Variants in SLC23A2 observed in about 807,000 individuals in gnomAD.
The protein encoded by SLC23A2 is Na(+)/L-ascorbic acid transporter 2.
In SLC23A2, 36 loss-of-function variants were observed where a neutral mutation model predicts 73.3. That is an observed-to-expected ratio of 0.49 (90% CI 0.38 to 0.65). SLC23A2 has a LOEUF of 0.65. Among genes scored for constraint, SLC23A2 ranks in the 30% least tolerant of loss-of-function variants. The pLI, the probability that SLC23A2 is intolerant of heterozygous loss-of-function variation, is 0.00. For synonymous variants in SLC23A2, 343 were observed against 327.3 expected, an observed-to-expected ratio of 1.05 and a Z score of -0.52; for missense variants, 507 against 841.6, an observed-to-expected ratio of 0.60 and a Z score of 4.92.
intron 2 of SLC23A2, among the ~76,000 whole-genome samples, chr20:4,952,523 AG>A (rs1568639412): frequency 6.6e-6 from 1 of 152,170 alleles, no homozygotes; most frequent in Non-Finnish European, 1.5e-5. Context: ...TCAAAAGAAA[AG>A]GAGGGAAAGA....
chr20:5,006,269 T>C (rs1045256527), upstream of SLC23A2, among the ~76,000 whole-genome samples: 1 of 151,614 alleles, frequency 6.6e-6, no homozygotes, highest in Non-Finnish European at 1.5e-5. Context: ...AGCTAATTTT[T>C]TGTATTTTTA....
Position 4,947,773 on chromosome 20 carries a change from G to A in SLC23A2, c.-154-15057C>T, listed in dbSNP as rs2058758068. ...CAAGCTAAGAGAACGAGACTCTGAAGAAAAGGCCAAAAGACCAGAATAGGC... is the reference window on the plus strand; with the variant it reads ...CAAGCTAAGAGAACGAGACTCTGAAAAAAAGGCCAAAAGACCAGAATAGGC... On this transcript the variant is annotated intron_variant, in intron 2 of 16. Coordinates refer to ENST00000338244, the MANE Select transcript of SLC23A2 (RefSeq NM_005116.6). This position sits in a 1 kb window ranked among gnomAD's most constrained non-coding sequence, Gnocchi z 4.4. Among the ~76,000 whole-genome samples, 1 of 152,200 alleles carries A rather than the reference G, an allele frequency of 6.6e-6. No individual in the cohort carries two copies. Among genetic ancestry groups the A allele is most frequent in the South Asian group, 2.1e-4 (1 of 4,830 alleles).
At chr20:4,995,370 C>T (rs1286597522) in intron 1 of SLC23A2, among the ~76,000 whole-genome samples, 1 of 152,086 alleles carries the variant, frequency 6.6e-6, no homozygotes, top group Non-Finnish European at 1.5e-5. Context: ...TACTCCACCC[C>T]AAAATTTTCT....
At chr20:4,967,493 T>C (rs1467845094) in intron 2 of SLC23A2, among the ~76,000 whole-genome samples, 1 of 152,262 alleles carries the variant, frequency 6.6e-6, no homozygotes, top group East Asian at 1.9e-4. Context: ...GTAAGCTCTG[T>C]AATCACCATC....
At chr20:4,955,899 T>C (rs539354439) in intron 2 of SLC23A2, among the ~76,000 whole-genome samples, 2 of 152,112 alleles carry the variant, frequency 1.3e-5, no homozygotes, top group African/African-American at 2.4e-5. Context: ...CTCTATAATA[T>C]AGGGGTTACG....
chr20:4,977,727 C>T (rs1009767608), intron 1 of SLC23A2, among the ~76,000 whole-genome samples: 3 of 151,360 alleles, frequency 2.0e-5, no homozygotes, highest in East Asian at 1.9e-4. Flanking sequence ...AGAAAAGAGA[C>T]GAGATCTCAT....
At chr20:4,933,211 G>A (rs1179286366) in intron 2 of SLC23A2, among the ~76,000 whole-genome samples, 1 of 150,506 alleles carries the variant, frequency 6.6e-6, no homozygotes, top group Non-Finnish European at 1.5e-5. Flanking sequence ...TGGGCAATGC[G>A]GATACAGCCA....
At chr20:4,943,856 C>G (rs1370995663) in intron 2 of SLC23A2, among the ~76,000 whole-genome samples, 2 of 152,130 alleles carry the variant, frequency 1.3e-5, no homozygotes. Context: ...AACCAGAGAG[C>G]GTCTGCTGAC....
intron 3 of SLC23A2, among the ~76,000 whole-genome samples, chr20:4,921,211 C>A (rs1367120832): frequency 1.3e-5 from 2 of 152,154 alleles, no homozygotes; most frequent in Non-Finnish European, 2.9e-5. Context: ...CGATATGATA[C>A]AAAGTTAAAG....
At chr20:5,007,305 T>C (rs2122405826) in intron 1 of SLC23A2, among the ~76,000 whole-genome samples, 1 of 152,252 alleles carries the variant, frequency 6.6e-6, no homozygotes, top group East Asian at 1.9e-4. Flanking sequence ...CCGACACAGG[T>C]GGACCACTTG....
chr20:4,983,646 TAAAA>T (rs35983102), intron 1 of SLC23A2, among the ~76,000 whole-genome samples: 3 of 86,188 alleles, frequency 3.5e-5, no homozygotes, highest in Non-Finnish European at 7.0e-5. Context: ...ACTCCGTCTT[TAAAA>T]AAAAAAAAAA....
At chr20:4,982,766 G>A (rs72550899) in intron 1 of SLC23A2, among the ~76,000 whole-genome samples, 2 of 152,150 alleles carry the variant, frequency 1.3e-5, no homozygotes, top group Non-Finnish European at 2.9e-5. Context: ...CAACGTAATG[G>A]GGGGTAGAGT....
intron 2 of SLC23A2, among the ~76,000 whole-genome samples, chr20:4,941,450 C>T (rs1488250131): frequency 6.6e-6 from 1 of 152,086 alleles, no homozygotes; most frequent in Admixed American, 6.5e-5. Flanking sequence ...GGCCTGTAAT[C>T]CTAGCACTTT....
At chr20:4,946,599 C>A (rs2087122433) in intron 2 of SLC23A2, among the ~76,000 whole-genome samples, 2 of 152,150 alleles carry the variant, frequency 1.3e-5, no homozygotes, top group Admixed American at 6.5e-5. Flanking sequence ...TTCAGTCCAG[C>A]CCAAAGACTT....
intron 1 of SLC23A2, among the ~76,000 whole-genome samples, chr20:4,984,504 G>C (rs2087789869): frequency 6.7e-6 from 1 of 148,384 alleles, no homozygotes; most frequent in Non-Finnish European, 1.5e-5. Context: ...AGTGAGCCGA[G>C]ATTGCACCAC....
At chr20:4,988,963 G>A (rs1445813627) in intron 1 of SLC23A2, among the ~76,000 whole-genome samples, 4 of 151,844 alleles carry the variant, frequency 2.6e-5, no homozygotes, top group East Asian at 1.9e-4. Flanking sequence ...TAGGCCGGGC[G>A]CGGTGGCTCA....
intron 4 of SLC23A2, among the ~76,000 whole-genome samples, chr20:4,905,760 G>T (rs912428641): frequency 1.3e-5 from 2 of 152,110 alleles, no homozygotes; most frequent in African/African-American, 4.8e-5. Flanking sequence ...TTTTATAAAG[G>T]ACCATACAGT....
intron 2 of SLC23A2, among the ~76,000 whole-genome samples, chr20:4,957,563 G>A (rs1440287178): frequency 6.8e-6 from 1 of 147,930 alleles, no homozygotes. Context: ...GCATGTCAGA[G>A]CAGCTAAAAC....
intron 1 of SLC23A2, among the ~76,000 whole-genome samples, chr20:4,983,412 C>A (rs562498660): frequency 2.6e-5 from 4 of 152,006 alleles, no homozygotes; most frequent in South Asian, 2.1e-4. Context: ...TTCGGGAGGC[C>A]AAGGCGGGCA....
Sources: gnomAD v4.1 joint callset for allele counts (sites outside exome capture counted in the v4.1 genomes callset) on GRCh38, gnomAD v4.1.1 for gene constraint, Gnocchi (gnomAD v3.1) non-coding constraint, MANE v1.5 for transcripts, NCBI Gene and HGNC (gene_info 2026-07-23, HGNC 2026-07-21) for gene names.